CCDC30: variants seen among roughly 807,000 people sequenced by gnomAD.
CCDC30 encodes the protein coiled-coil domain containing 30, also known as coiled-coil domain-containing protein 30.
In CCDC30, 70 loss-of-function variants were observed where a neutral mutation model predicts 100.2. The ratio of observed to expected loss-of-function variants is 0.70; its 90% CI spans 0.58 to 0.85. The LOEUF is 0.85. Ranked by LOEUF, CCDC30 falls within the 40% of genes least tolerant of loss-of-function variation. CCDC30 has a pLI of 0.00. For missense variants in CCDC30, 652 were observed against 771.2 expected, an observed-to-expected ratio of 0.85 and a Z score of 1.83; for synonymous variants, 233 against 269.5, an observed-to-expected ratio of 0.86 and a Z score of 1.33.
intron 6 of CCDC30, among the ~76,000 whole-genome samples, chr1:42,561,929 C>T (rs752880772): frequency 3.9e-5 from 6 of 152,142 alleles, no homozygotes; most frequent in Non-Finnish European, 5.9e-5. Context: ...CTACAAACCA[C>T]TGCTCAAGGA....
At chr1:42,647,236 G>A (rs1647961820) in intron 15 of CCDC30, among the ~76,000 whole-genome samples, 1 of 151,608 alleles carries the variant, frequency 6.6e-6, no homozygotes, top group Non-Finnish European at 1.5e-5. Flanking sequence ...GACTGAAAAG[G>A]AGTGGGAAAA....
At chr1:42,613,673 G>A (rs1018886510) in intron 11 of CCDC30, among the ~76,000 whole-genome samples, 5 of 152,128 alleles carry the variant, frequency 3.3e-5, no homozygotes, top group African/African-American at 1.2e-4. Flanking sequence ...CTGTCATGGC[G>A]CTGATGGAAG....
chr1:42,556,499 GT>G (rs995646214), intron 6 of CCDC30, 94 bp downstream of exon 10: 219 of 1,352,624 alleles, frequency 1.6e-4, no homozygotes, highest in Admixed American at 1.0e-3. Flanking sequence ...TCATATATAT[GT>G]TTTTTTTTAT....
At chr1:42,622,685 G>C (rs1005565136) in intron 11 of CCDC30, among the ~76,000 whole-genome samples, 1 of 151,654 alleles carries the variant, frequency 6.6e-6, no homozygotes, top group African/African-American at 2.4e-5. Flanking sequence ...CGCCATGTTG[G>C]CCAGGCTGGT....
chr1:42,580,999 C>T (rs889956643), intron 8 of CCDC30: 15 of 359,554 alleles, frequency 4.2e-5, no homozygotes, highest in African/African-American at 1.1e-4. Flanking sequence ...CCACCACGCC[C>T]GGCTAATTTT....
At chr1:42,547,739 C>A (rs538479180) in intron 6 of CCDC30, among the ~76,000 whole-genome samples, 85 of 152,268 alleles carry the variant, frequency 5.6e-4, no homozygotes, top group Non-Finnish European at 8.8e-4. Context: ...CTATTCCCCT[C>A]TTCACAGCCT....
exon 17 of CCDC30, chr1:42,654,126 A>C: frequency 1.3e-6 from 1 of 772,270 alleles, no homozygotes; most frequent in Admixed American, 2.5e-5. Flanking sequence ...ACAGATCCCA[A>C]ATGGATATCA....
chr1:42,495,112 T>A (rs2148472017), intron 4 of CCDC30, among the ~76,000 whole-genome samples: 1 of 148,930 alleles, frequency 6.7e-6, no homozygotes, highest in South Asian at 2.2e-4. Context: ...AACCCAAATG[T>A]CCAACAATGA....
chr1:42,637,065 C>T (rs1647174905), intron 11 of CCDC30, among the ~76,000 whole-genome samples, 172 bp from the exon 16 acceptor site: 1 of 150,682 alleles, frequency 6.6e-6, no homozygotes, highest in Admixed American at 6.6e-5. Context: ...TTATCCTTGG[C>T]CCACTCCCTG....
rs555047662 is a variant in CCDC30 at position 42,581,580 on chromosome 1, A to T, written c.1001+66A>T. 5.6e-5 allele frequency: 80 copies of T among 1,437,382 alleles called. No homozygotes were observed. The African/African-American group carries it at 1.1e-3, about 19-fold the overall frequency. 89.0% of individuals were successfully genotyped at this position (1,437,382 alleles called of 1,614,324 possible). A position where few individuals can be genotyped will look rare whatever the true frequency, so the allele number is the denominator to read the frequency against. On this transcript the variant is annotated intron_variant, in intron 9 of 16. Coordinates refer to ENST00000668663, the Ensembl canonical transcript of CCDC30. ...ATGACTGAGTTAATCAGCAATATCA[A>T]TTTTTTCTAACAGAATATCAGAGAG...
At chr1:42,515,769 A>T (rs1016305809) in intron 6 of CCDC30, among the ~76,000 whole-genome samples, 2 of 152,162 alleles carry the variant, frequency 1.3e-5, no homozygotes, top group Non-Finnish European at 2.9e-5. Flanking sequence ...TATGATTTTG[A>T]CTACTCTAGA....
chr1:42,610,884 CTT>C (rs34595968), intron 10 of CCDC30, 92 bp from the exon 15 acceptor site: 101,715 of 478,012 alleles, frequency 0.21, 1,975 homozygotes, highest in Non-Finnish European at 0.22. Context: ...TGACTATAAG[CTT>C]TTTTTTTTTT....
At chr1:42,613,416 G>A (rs1334090383) in intron 11 of CCDC30, among the ~76,000 whole-genome samples, 3 of 152,020 alleles carry the variant, frequency 2.0e-5, no homozygotes, top group Non-Finnish European at 2.9e-5. Flanking sequence ...TGCCACGCCC[G>A]GCTTATTTTT....
intron 6 of CCDC30, among the ~76,000 whole-genome samples, chr1:42,550,753 G>C (rs1006900583): frequency 6.6e-6 from 1 of 152,160 alleles, no homozygotes; most frequent in Non-Finnish European, 1.5e-5. Context: ...TCCTCCTCTA[G>C]ATGTAGGCTA....
intron 6 of CCDC30, among the ~76,000 whole-genome samples, chr1:42,526,292 T>C (rs1467185735): frequency 6.6e-6 from 1 of 152,162 alleles, no homozygotes; most frequent in Non-Finnish European, 1.5e-5. Flanking sequence ...CACTCTTCCA[T>C]GTGTAAGGGT....
intron 6 of CCDC30, among the ~76,000 whole-genome samples, chr1:42,518,152 T>C (rs891047146): frequency 6.6e-6 from 1 of 152,188 alleles, no homozygotes; most frequent in Non-Finnish European, 1.5e-5. Flanking sequence ...ACCAATGTTT[T>C]CTATCTTTTA....
At chr1:42,459,643 T>G (rs765555893), upstream of CCDC30, 2 of 1,614,094 alleles carry the variant, frequency 1.2e-6, no homozygotes, top group Admixed American at 1.7e-5. Flanking sequence ...TCTCCTTTGG[T>G]TAAAGATTGG....
chr1:42,548,916 T>C (rs561894793), intron 6 of CCDC30, among the ~76,000 whole-genome samples: 27 of 152,344 alleles, frequency 1.8e-4, no homozygotes, highest in Non-Finnish European at 2.1e-4. Context: ...GATTGATTGA[T>C]CCTTACAGTA....
chr1:42,469,548 T>A (rs547603520), intron 1 of CCDC30, among the ~76,000 whole-genome samples: 2 of 152,162 alleles, frequency 1.3e-5, no homozygotes, highest in Admixed American at 1.3e-4. Flanking sequence ...ACCAGAGATG[T>A]CTTGAGCTGA....
Sources: allele counts gnomAD v4.1 joint callset (sites outside exome capture counted in the v4.1 genomes callset), GRCh38; gene constraint gnomAD v4.1.1; transcripts MANE v1.5; gene names NCBI Gene and HGNC (gene_info 2026-07-23, HGNC 2026-07-21).